The following CATSPERD variants were observed in gnomAD, a reference collection of about 807,000 sequenced individuals.
CATSPERD encodes catsper channel auxiliary subunit delta.
Under a neutral mutation model 98.1 loss-of-function variants are expected in CATSPERD, and 86 were observed. That is an observed-to-expected ratio of 0.88 (90% CI 0.74 to 1.05). The LOEUF (loss-of-function observed/expected upper bound fraction) is 1.05. Among genes scored for constraint, CATSPERD ranks in the 50% least tolerant of loss-of-function variants. CATSPERD has a pLI of 0.00. For missense variants in CATSPERD, 995 were observed against 1,005.7 expected, an observed-to-expected ratio of 0.99 and a Z score of 0.14; for synonymous variants, 394 against 390.2, an observed-to-expected ratio of 1.01 and a Z score of -0.12.
chr19:5,778,385 A>G lies in CATSPERD; in HGVS notation c.2106A>G (p.Gln702=), dbSNP rs748374302. 12 of 1,607,760 alleles carry G rather than the reference A, an allele frequency of 7.5e-6. No homozygotes were observed. In the East Asian group the frequency reaches 2.5e-4, roughly 33 times the overall value. ...CCTCCCCCCACCGCAGCTACTGTCA[A>G]CTGGAGACCATCTTTAGCATCTACG... ...SIVDPYYSYC[Q]LETIFSIYVY... The change falls in exon 22 of 22, where the codon CAA becomes CAG. Residue 702 remains glutamine, a synonymous_variant. Transcript: ENST00000381624.
chr19:5,745,303 G>GT (rs2056073008), intron 8 of CATSPERD, among the ~76,000 whole-genome samples: 1 of 150,288 alleles, frequency 6.7e-6, no homozygotes. Flanking sequence ...GGATGAGATA[G>GT]TTTACATTTT....
At position 5,737,287 on chromosome 19, in the gene CATSPERD, G is replaced by A. The variant is rs1374653809; in HGVS notation, c.459+82G>A. On this transcript the variant is annotated intron_variant, in intron 6 of 21. Coordinates refer to ENST00000381624, the MANE Select transcript of CATSPERD (RefSeq NM_152784.4). ...TCATGAGTAGACATAAAGGCTGGGC[G>A]TGGTGGCTCATACCTGTAATCCCAG... 2.9e-5 allele frequency: 28 copies of A among 951,832 alleles called. 1 individual carries two copies. Among genetic ancestry groups the A allele is most frequent in the Middle Eastern group, 2.6e-4 (1 of 3,818 alleles). 59.0% of individuals were successfully genotyped at this position (951,832 alleles called of 1,614,324 possible).
At chr19:5,750,244 C>G (rs576402575) in intron 11 of CATSPERD, among the ~76,000 whole-genome samples, 5 of 149,842 alleles carry the variant, frequency 3.3e-5, no homozygotes, top group South Asian at 2.1e-4. Flanking sequence ...TTCAGGAGAT[C>G]GTGACCATCC....
At chr19:5,743,830 C>CT (rs2056044555) in intron 7 of CATSPERD, among the ~76,000 whole-genome samples, 1 of 152,074 alleles carries the variant, frequency 6.6e-6, no homozygotes, top group South Asian at 2.1e-4. Flanking sequence ...CTGCTAGACA[C>CT]TTTGCTGTCC....
chr19:5,756,402 G>C (rs2056325058), intron 13 of CATSPERD, among the ~76,000 whole-genome samples: 1 of 152,206 alleles, frequency 6.6e-6, no homozygotes, highest in African/African-American at 2.4e-5. Context: ...ACAGATGGCA[G>C]TGATGGTTGC....
intron 5 of CATSPERD, among the ~76,000 whole-genome samples, chr19:5,736,329 A>G (rs1043891681): frequency 2.0e-5 from 3 of 152,206 alleles, no homozygotes; most frequent in Non-Finnish European, 4.4e-5. Context: ...TACAGATGCT[A>G]AAAAGCATCC....
chr19:5,733,886 T>G lies in CATSPERD; in HGVS notation c.307T>G (p.Phe103Val). The G allele has an allele frequency of 6.2e-7, 1 of 1,613,028 alleles. No homozygotes were observed. The highest frequency in any genetic ancestry group is 8.5e-7 in the Non-Finnish European group (1 of 1,179,712). Residue 103 changes from phenylalanine (F) to valine (V), a missense_variant, in exon 5 of 22, where the codon TTT becomes GTT. Transcript: ENST00000381624. ...VGVPEVTSAH[F>V]AGSLLLLVVD... is the part of the protein sequence containing the mutation. ...CGTACCAGAAGTGACATCAGCACAT[T>G]TTGCTGGTTCGTTATTGCTGTTAGT...
Position 5,772,511 on chromosome 19 carries a change from G to A in CATSPERD, c.1764-277G>A, listed in dbSNP as rs984728963. On this transcript the variant is annotated intron_variant, in intron 19 of 21. Transcript: ENST00000381624. Reference sequence around the variant, plus strand: ...CAAAGTGCTGAGATTACGGGCGTGAGCCGCCGCGCCTAGCTCCGAGCAGAC... The same window carrying A: ...CAAAGTGCTGAGATTACGGGCGTGAACCGCCGCGCCTAGCTCCGAGCAGAC... 4 of 376,408 alleles carry A rather than the reference G, an allele frequency of 1.1e-5. No individual in the cohort carries two copies. The Admixed American group carries it at 1.7e-4, about 16-fold the overall frequency. The allele number at this position is 376,408 out of a possible 1,614,324, so 23.3% of individuals were successfully genotyped here. A position where few individuals can be genotyped will look rare whatever the true frequency, so the allele number is the denominator to read the frequency against.
intron 15 of CATSPERD, among the ~76,000 whole-genome samples, chr19:5,760,073 C>CCA (rs2056405496): frequency 4.1e-5 from 2 of 48,534 alleles, no homozygotes; most frequent in Admixed American, 6.9e-4. Context: ...GACTCCATCT[C>CCA]AAAAAAAAAA....
At chr19:5,769,270 G>A (rs1433085710) in intron 18 of CATSPERD, among the ~76,000 whole-genome samples, 7 of 138,152 alleles carry the variant, frequency 5.1e-5, no homozygotes, top group African/African-American at 1.9e-4. Flanking sequence ...AGGAGTTTGA[G>A]ACCAGCCTGG....
Position 5,771,061 on chromosome 19 carries a change from C to T in CATSPERD, c.1752C>T (p.Pro584=), listed in dbSNP as rs372154065. ...TCTACTATGACACCCTATGGAAGCC[C>T]GTGGTGGAGCTGTAAGACCCCAGGG... is the stretch of plus-strand genomic sequence containing the variant. ...LLVYYDTLWK[P]VVELWRKDSF... Residue 584 remains proline (P), a synonymous_variant, in exon 19 of 22, where the codon CCC becomes CCT. Transcript: ENST00000381624. The T allele has an allele frequency of 1.4e-5, 22 of 1,613,292 alleles. No individual in the cohort carries two copies. The African/African-American group carries it at 1.9e-4, about 14-fold the overall frequency.
rs577406144 is a variant in CATSPERD at position 5,738,072 on chromosome 19, C to A, written c.459+867C>A. Among the ~76,000 whole-genome samples the A allele has an allele frequency of 2.1e-4, 32 of 152,000 alleles. 1 individual carries two copies. In the South Asian group the frequency reaches 6.6e-3, roughly 32 times the overall value. ...TAGGTTAGAGGTACCACCCTCCACC[C>A]CACACAGTTGAAAATCCACAGGTAA... On this transcript the variant is annotated intron_variant, in intron 6 of 21. Coordinates refer to ENST00000381624, the MANE Select transcript of CATSPERD (RefSeq NM_152784.4).
chr19:5,774,836 G>T (rs2056712030), intron 20 of CATSPERD, among the ~76,000 whole-genome samples: 1 of 152,130 alleles, frequency 6.6e-6, no homozygotes, highest in African/African-American at 2.4e-5. Context: ...GACCAACATG[G>T]TGAAACCCCG....
intron 5 of CATSPERD, among the ~76,000 whole-genome samples, chr19:5,735,375 A>G (rs2055822748): frequency 6.8e-6 from 1 of 147,998 alleles, no homozygotes; most frequent in African/African-American, 2.5e-5. Context: ...CGATCGCACG[A>G]TCTCAGCTCA....
rs57680462 is a variant in CATSPERD, at chr19:5,744,488, T to C, written c.635T>C (p.Met212Thr). The C allele has an allele frequency of 0.013, 21,759 of 1,612,396 alleles. 988 individuals are homozygous for C. In the African/African-American group the frequency reaches 0.14, roughly 10 times the overall value. ...TTTTTTTCTTTGTCACAGGTTGCGA[T>C]GCTTGTAGTGAATCAAGGGAAGGTA... ...FHFFSLSQVA[M>T]LVVNQGKGMF... Residue 212 changes from methionine (M) to threonine (T), a missense_variant, in exon 8 of 22, where the codon ATG becomes ACG. By Grantham distance (81) the Met-to-Thr change is moderately conservative. Around this residue, in one of 3 missense-constraint regions of CATSPERD, gnomAD observed 762 missense variants for 773.7 expected, o/e 0.98. Transcript: ENST00000381624.
chr19:5,720,743 G>C lies in CATSPERD; in HGVS notation c.6G>C (p.Leu2=), dbSNP rs757855286. The C allele has an allele frequency of 1.2e-6, 2 of 1,606,874 alleles. No homozygotes were observed. The highest frequency in any genetic ancestry group is 1.7e-5 in the Admixed American group (1 of 59,952). The change falls in exon 1 of 22, where the codon CTG becomes CTC. Residue 2 remains leucine (L), a synonymous_variant. Transcript: ENST00000381624. M[L]MLMLVAAVTM... is the part of the protein sequence containing the mutation. ...GGCGGCGGAAGCCCAAGTCGATGCTGATGTTGATGCTGGTGGCGGCTGTGA... is the reference window on the plus strand; with the variant it reads ...GGCGGCGGAAGCCCAAGTCGATGCTCATGTTGATGCTGGTGGCGGCTGTGA...
intron 11 of CATSPERD, among the ~76,000 whole-genome samples, chr19:5,749,975 T>C (rs143865002): frequency 1.3e-5 from 2 of 151,408 alleles, no homozygotes; most frequent in East Asian, 4.0e-4. Context: ...GGCTAAGTTT[T>C]GTAATTTTAG....
rs775815872 is a variant in CATSPERD, at chr19:5,745,901, T to C, written c.658-12T>C. 1 of 1,613,512 alleles carries C rather than the reference T, an allele frequency of 6.2e-7. No individual in the cohort carries two copies. The highest frequency in any genetic ancestry group is 1.7e-5 in the Admixed American group (1 of 59,942). ...GTTTGGGGAGAGGCTGAATGGTGTC[T>C]TTTTCTCCCAGGGCATGTTCAAGTA... is the stretch of plus-strand genomic sequence containing the variant. On this transcript the variant is annotated splice_polypyrimidine_tract_variant and intron_variant, in intron 8 of 21. Transcript: ENST00000381624.
In CATSPERD at chr19:5,748,256, GTGCGTAGCCGACCCAC is replaced by G; in HGVS notation, c.904+5_904+20del. On this transcript the variant is annotated splice_donor_variant and splice_donor_5th_base_variant and intron_variant, in intron 10 of 21. Transcript: ENST00000381624. LOFTEE classifies it high-confidence loss of function. The stretch of plus-strand genomic sequence containing the variant: ...ATCACCATCCACAACATTGCTGTCA[GTGCGTAGCCGACCCAC>G]TGCTAGCCAAGAAATATTTAGACCT... 3.1e-6 allele frequency: 5 copies of G among 1,613,154 alleles called. No individual in the cohort carries two copies. Among genetic ancestry groups the G allele is most frequent in the Non-Finnish European group, 4.2e-6 (5 of 1,179,142 alleles).
Sources: gnomAD v4.1 joint callset for allele counts (sites outside exome capture counted in the v4.1 genomes callset) on GRCh38, gnomAD v4.1.1 for gene constraint, gnomAD v4.1.1 regional missense constraint, MANE v1.5 for transcripts, NCBI Gene and HGNC (gene_info 2026-07-23, HGNC 2026-07-21) for gene names.